GIMAP4: variants seen among roughly 807,000 people sequenced by gnomAD.
The protein encoded by GIMAP4 is GTPase IMAP family member 4.
In GIMAP4, 12 loss-of-function variants were observed where a neutral mutation model predicts 10.8. The ratio of observed to expected loss-of-function variants is 1.11; its 90% confidence interval spans 0.71 to 1.81. The LOEUF (loss-of-function observed/expected upper bound fraction) is 1.81, where lower values mean the gene tolerates loss of function less well. Ranked by LOEUF, GIMAP4 falls within the 40% of genes most tolerant of loss-of-function variation. GIMAP4 has a pLI of 0.00. For missense variants in GIMAP4, 412 were observed against 404.6 expected, an observed-to-expected ratio of 1.02 and a Z score of -0.16; for synonymous variants, 149 against 147.2, an observed-to-expected ratio of 1.01 and a Z score of -0.09.
At chr7:150,569,648 G>A (rs76297233) in intron 1 of GIMAP4, among the ~76,000 whole-genome samples, 1 of 152,148 alleles carries the variant, frequency 6.6e-6, no homozygotes, top group South Asian at 2.1e-4. Flanking sequence ...ATAGAGGGGG[G>A]AAGGGGCCAG....
intron 1 of GIMAP4, among the ~76,000 whole-genome samples, chr7:150,568,320 T>C (rs932818071): frequency 6.7e-6 from 1 of 149,160 alleles, no homozygotes; most frequent in Non-Finnish European, 1.5e-5. Flanking sequence ...CTGTTTCCTA[T>C]ACCCTATTCT....
chr7:150,570,802 G>C (rs769499465), intron 2 of GIMAP4, among the ~76,000 whole-genome samples: 3 of 152,198 alleles, frequency 2.0e-5, no homozygotes, highest in Non-Finnish European at 2.9e-5. Context: ...TAAGGCAGTT[G>C]CAGGAGGAGC....
chr7:150,572,311 C>T lies in GIMAP4; in HGVS notation c.241C>T (p.Leu81Phe). ...CAGCAGCTCATGGAAGGAAACAGAA[C>T]TTGTCGTAGTTGACACACCAGGCAT... ...KRSSSWKETE[L>F]VVVDTPGIFD... Residue 81 changes from leucine (L) to phenylalanine (F), a missense_variant, in exon 3 of 3, where the codon CTT becomes TTT. Leu to Phe is a conservative substitution (Grantham distance 22). Coordinates refer to ENST00000255945, the MANE Select transcript of GIMAP4 (RefSeq NM_018326.3). 6.2e-7 allele frequency: 1 copy of T among 1,614,152 alleles called. No individual in the cohort carries two copies. The highest frequency in any genetic ancestry group is 2.2e-5 in the East Asian group (1 of 44,870).
chr7:150,572,127 AG>A lies in GIMAP4; in HGVS notation c.60del. The A allele has an allele frequency of 6.3e-7, 1 of 1,593,706 alleles. No individual in the cohort carries two copies. The highest frequency in any genetic ancestry group is 8.6e-7 in the Non-Finnish European group (1 of 1,164,122). The stretch of plus-strand genomic sequence containing the variant: ...GGCTTTTTTTTTTTCTTGATGTCCC[AG>A]GGCCTGGAAGGCAAGAGCCCAGAAA... On this transcript the variant is annotated splice_acceptor_variant, in intron 2 of 2. Transcript: ENST00000255945. LOFTEE classifies it high-confidence loss of function.
chr7:150,570,603 T>C (rs541147542), intron 2 of GIMAP4, among the ~76,000 whole-genome samples: 3 of 152,258 alleles, frequency 2.0e-5, no homozygotes, highest in African/African-American at 2.4e-5. Flanking sequence ...TTCTTGGGTC[T>C]GGACCAGCTT....
chr7:150,572,295 A>G lies in GIMAP4; in HGVS notation c.225A>G (p.Ser75=). The part of the protein sequence containing the change: ...ITKKCEKRSS[S]WKETELVVVD... ...AGAAGTGTGAGAAACGCAGCAGCTCATGGAAGGAAACAGAACTTGTCGTAG... is the reference window on the plus strand; with the variant it reads ...AGAAGTGTGAGAAACGCAGCAGCTCGTGGAAGGAAACAGAACTTGTCGTAG... The change falls in exon 3 of 3, where the codon TCA becomes TCG. Residue 75 remains serine, a synonymous_variant. Coordinates refer to ENST00000255945, the MANE Select transcript of GIMAP4 (RefSeq NM_018326.3). 6.2e-7 allele frequency: 1 copy of G among 1,613,342 alleles called. No individual in the cohort carries two copies. Among genetic ancestry groups the G allele is most frequent in the Non-Finnish European group, 8.5e-7 (1 of 1,179,246 alleles).
In GIMAP4 at chr7:150,569,955, T is replaced by C; in HGVS notation, c.54T>C (p.Ser18=). The part of the protein sequence containing the change: ...MSFNPSTPGA[S]YGPGRQEPRN... Reference sequence around the variant, plus strand: ...TCAACCCCAGCACACCAGGGGCCAGTTATGGTGAGAGGGCATTCAGTGCTC... The same window carrying C: ...TCAACCCCAGCACACCAGGGGCCAGCTATGGTGAGAGGGCATTCAGTGCTC... Residue 18 remains serine, a synonymous_variant, in exon 2 of 3, where the codon AGT becomes AGC. Transcript: ENST00000255945. 6.2e-7 allele frequency: 1 copy of C among 1,607,164 alleles called. No homozygotes were observed. The highest frequency in any genetic ancestry group is 1.1e-5 in the South Asian group (1 of 90,870).
rs199802079 is a variant in GIMAP4, at chr7:150,569,911, C to A, written c.10C>A (p.Gln4Lys). Residue 4 changes from glutamine (Q) to lysine (K), a missense_variant, in exon 2 of 3, where the codon CAA becomes AAA. Gln to Lys is a moderately conservative substitution (Grantham distance 53). Coordinates refer to ENST00000255945, the MANE Select transcript of GIMAP4 (RefSeq NM_018326.3). ...AGGAGTTCAAGCGACAATGGCAGCC[C>A]AATACGGCAGTATGAGCTTCAACCC... MAAQYGSMSFNPST... is the reference protein window; with the variant it reads MAAKYGSMSFNPST... 2 of 1,573,998 alleles carry A rather than the reference C, an allele frequency of 1.3e-6. No individual in the cohort carries two copies. The highest frequency in any genetic ancestry group is 1.7e-6 in the Non-Finnish European group (2 of 1,144,278).
chr7:150,568,470 A>T (rs973727885), intron 1 of GIMAP4, among the ~76,000 whole-genome samples: 1 of 152,194 alleles, frequency 6.6e-6, no homozygotes, highest in Non-Finnish European at 1.5e-5. Flanking sequence ...CTCCAATAAG[A>T]GTTCTTCAAA....
chr7:150,570,956 G>T (rs145475929), intron 2 of GIMAP4, among the ~76,000 whole-genome samples: 35 of 152,188 alleles, frequency 2.3e-4, no homozygotes, highest in African/African-American at 7.7e-4. Flanking sequence ...TTGATGGGAG[G>T]AACTGCAAAT....
In GIMAP4 at chr7:150,573,220, A is replaced by G; in HGVS notation, c.*160A>G. On this transcript the variant is annotated 3_prime_UTR_variant, in exon 3 of 3. Transcript: ENST00000255945. The stretch of plus-strand genomic sequence containing the variant: ...GTAGATGTTTGATTGACTTAACAAG[A>G]GAGGGACAAATTTTCAATTTGTGAA... 1.7e-6 allele frequency: 1 copy of G among 576,110 alleles called. No homozygotes were observed. The highest frequency in any genetic ancestry group is 3.1e-6 in the Non-Finnish European group (1 of 327,686). The allele number at this position is 576,110 out of a possible 1,614,324, so 35.7% of individuals were successfully genotyped here.
chr7:150,572,730 C>T lies in GIMAP4; in HGVS notation c.660C>T (p.Cys220=). 1.2e-6 allele frequency: 2 copies of T among 1,614,140 alleles called. No homozygotes were observed. Among genetic ancestry groups the T allele is most frequent in the Non-Finnish European group, 1.7e-6 (2 of 1,180,012 alleles). Residue 220 remains cysteine (C), a synonymous_variant, in exon 3 of 3, where the codon TGC becomes TGT. Coordinates refer to ENST00000255945, the MANE Select transcript of GIMAP4 (RefSeq NM_018326.3). ...QRVVRENKEG[C]YTNRMYQRAE... The stretch of plus-strand genomic sequence containing the variant: ...TGGTGAGGGAGAACAAGGAAGGCTG[C>T]TACACTAATAGGATGTACCAAAGGG...
chr7:150,570,588 G>C (rs1795717201), intron 2 of GIMAP4, among the ~76,000 whole-genome samples: 1 of 152,068 alleles, frequency 6.6e-6, no homozygotes, highest in Admixed American at 6.5e-5. Flanking sequence ...GGGTTCACTG[G>C]GCTGTTCTTG....
intron 2 of GIMAP4, 22 bp from the exon 3 acceptor site, chr7:150,572,107 T>A: frequency 6.6e-7 from 1 of 1,520,546 alleles, no homozygotes; most frequent in Non-Finnish European, 9.0e-7. Context: ...AGCATGGCTT[T>A]TTTTTTTTCT....
Position 150,573,260 on chromosome 7 carries a change from A to G in GIMAP4, c.*200A>G, listed in dbSNP as rs1795760409. The G allele has an allele frequency of 1.9e-6, 1 of 537,286 alleles. No homozygotes were observed. 33.3% of individuals were successfully genotyped at this position (537,286 alleles called of 1,614,324 possible). A position where few individuals can be genotyped will look rare whatever the true frequency, so the allele number is the denominator to read the frequency against. Reference sequence around the variant, plus strand: ...CAATTTGTGAAACTCCAAAGCAGAAAGTATTGGTGCTTGCTACCTTGTGAA... The same window carrying G: ...CAATTTGTGAAACTCCAAAGCAGAAGGTATTGGTGCTTGCTACCTTGTGAA... On this transcript the variant is annotated 3_prime_UTR_variant, in exon 3 of 3. Transcript: ENST00000255945.
At chr7:150,567,504 G>C (rs978524685) in intron 1 of GIMAP4, 67 bp downstream of exon 1, 1 of 152,144 alleles carries the variant, frequency 6.6e-6, no homozygotes, top group Non-Finnish European at 1.5e-5. Context: ...GGAGGGACCT[G>C]TATCTTAAAT....
chr7:150,571,502 C>T (rs923321180), intron 2 of GIMAP4, among the ~76,000 whole-genome samples: 4 of 152,140 alleles, frequency 2.6e-5, no homozygotes, highest in Non-Finnish European at 4.4e-5. Context: ...AACAGCTGGC[C>T]GGGTGCAGTG....
At chr7:150,569,181 G>T (rs1460588357) in intron 1 of GIMAP4, among the ~76,000 whole-genome samples, 1 of 152,164 alleles carries the variant, frequency 6.6e-6, no homozygotes, top group African/African-American at 2.4e-5. Flanking sequence ...AGTTTTAAAA[G>T]AACATCTGAT....
chr7:150,573,635 C>T lies in GIMAP4; in HGVS notation c.*575C>T, dbSNP rs1563319677. Reference sequence around the variant, plus strand: ...TGTTCATTGAAGAACAGAGACCTGTCTGGAAAATCGATCTCTACAAATTCA... The same window carrying T: ...TGTTCATTGAAGAACAGAGACCTGTTTGGAAAATCGATCTCTACAAATTCA... On this transcript the variant is annotated 3_prime_UTR_variant, in exon 3 of 3. Coordinates refer to ENST00000255945, the MANE Select transcript of GIMAP4 (RefSeq NM_018326.3). 2 of 152,356 alleles carry T rather than the reference C, an allele frequency of 1.3e-5. No individual in the cohort carries two copies. Among genetic ancestry groups the T allele is most frequent in the African/African-American group, 2.4e-5 (1 of 41,544 alleles). 9.4% of individuals were successfully genotyped at this position (152,356 alleles called of 1,614,324 possible).
Sources: allele counts gnomAD v4.1 joint callset (sites outside exome capture counted in the v4.1 genomes callset), GRCh38; gene constraint gnomAD v4.1.1; transcripts MANE v1.5; gene names NCBI Gene and HGNC (gene_info 2026-07-23, HGNC 2026-07-21).